The following EIF2AK2 variants were observed in gnomAD, a reference collection of about 807,000 sequenced individuals.
EIF2AK2 encodes the protein interferon-induced, double-stranded RNA-activated protein kinase.
A neutral mutation model predicts 70.5 loss-of-function variants in EIF2AK2; 40 were observed. The ratio of observed to expected loss-of-function variants is 0.57; its 90% CI spans 0.44 to 0.74. The LOEUF is 0.74. EIF2AK2 is among the 30% of genes least tolerant of loss of function. EIF2AK2 has a pLI of 0.00. For synonymous variants in EIF2AK2, 198 were observed against 220.9 expected (o/e 0.90, Z 0.92); for missense variants, 555 against 644.3 (o/e 0.86, Z 1.50).
chr2:37,119,935 T>C, intron 13 of EIF2AK2, 24 bp downstream of exon 13: 1 of 1,250,180 alleles, frequency 8.0e-7, no homozygotes, highest in Non-Finnish European at 1.0e-6. Flanking sequence ...ATATATCAAT[T>C]AATAAAGTAC....
chr2:37,143,874 G>A (rs892031529), intron 4 of EIF2AK2, among the ~76,000 whole-genome samples: 3 of 151,928 alleles, frequency 2.0e-5, no homozygotes, highest in African/African-American at 7.3e-5. Context: ...GACAGAGTAC[G>A]ACCCTGTCTC....
At chr2:37,128,110 T>C (rs761572584) in intron 10 of EIF2AK2, among the ~76,000 whole-genome samples, 16 of 152,194 alleles carry the variant, frequency 1.1e-4, no homozygotes, top group Non-Finnish European at 2.1e-4. Context: ...GACCATTTTA[T>C]TTGTTCCTAC....
At chr2:37,125,082 G>T (rs962845665) in intron 11 of EIF2AK2, among the ~76,000 whole-genome samples, 1 of 151,936 alleles carries the variant, frequency 6.6e-6, no homozygotes, top group East Asian at 1.9e-4. Flanking sequence ...GCATGATCTG[G>T]GCTCACCACA....
rs1386785110 is a variant in EIF2AK2, at chr2:37,143,921, C to T, written c.241-2220G>A. ...ACAACAACAACAAAAAAACTATTTACATAGCATTTACATTGTATTAGAGAT... is the reference window on the plus strand; with the variant it reads ...ACAACAACAACAAAAAAACTATTTATATAGCATTTACATTGTATTAGAGAT... On this transcript the variant is annotated intron_variant, in intron 4 of 16. Transcript: ENST00000233057. 2.0e-5 allele frequency among the ~76,000 whole-genome samples: 3 copies of T among 152,210 alleles called. No individual in the cohort carries two copies. The East Asian group carries it at 5.8e-4, about 29-fold the overall frequency.
At chr2:37,128,093 C>G (rs1364161998) in intron 10 of EIF2AK2, among the ~76,000 whole-genome samples, 1 of 152,148 alleles carries the variant, frequency 6.6e-6, no homozygotes, top group Non-Finnish European at 1.5e-5. Flanking sequence ...AACTCCATGA[C>G]AACAGGGACC....
intron 1 of EIF2AK2, among the ~76,000 whole-genome samples, chr2:37,152,545 T>G (rs1028666400): frequency 6.6e-6 from 1 of 152,164 alleles, no homozygotes; most frequent in South Asian, 2.1e-4. Context: ...CCTCCCAAAG[T>G]GCTGGGATTA....
intron 11 of EIF2AK2, 137 bp from the exon 12 acceptor site, chr2:37,122,801 G>A: frequency 9.0e-7 from 1 of 1,113,492 alleles, no homozygotes; most frequent in Non-Finnish European, 1.3e-6. Context: ...TTTTAGAATG[G>A]AAGCCAGGAC....
chr2:37,152,858 G>T (rs1399700445), intron 1 of EIF2AK2, among the ~76,000 whole-genome samples: 1 of 152,162 alleles, frequency 6.6e-6, no homozygotes, highest in African/African-American at 2.4e-5. Context: ...CTCCCAAGCT[G>T]GTTTGAAGTT....
chr2:37,144,706 G>C (rs528122146), intron 4 of EIF2AK2, among the ~76,000 whole-genome samples: 23 of 151,066 alleles, frequency 1.5e-4, no homozygotes, highest in African/African-American at 5.6e-4. Flanking sequence ...CTAGCCTCCT[G>C]AGTAGCTGGA....
At chr2:37,112,692 C>G (rs1025530259) in intron 14 of EIF2AK2, among the ~76,000 whole-genome samples, 2 of 151,966 alleles carry the variant, frequency 1.3e-5, no homozygotes, top group Admixed American at 1.3e-4. Context: ...AGAACAAAGT[C>G]CAGAAACACA....
In EIF2AK2 at chr2:37,114,871, A is replaced by G. The variant is rs1434633538; in HGVS notation, c.1249-12T>C. 2.6e-6 allele frequency: 4 copies of G among 1,532,574 alleles called. No homozygotes were observed. Among genetic ancestry groups the G allele is most frequent in the Non-Finnish European group, 2.6e-6 (3 of 1,137,986 alleles). The allele number at this position is 1,532,574 out of a possible 1,614,324, so 94.9% of individuals were successfully genotyped here. A position where few individuals can be genotyped will look rare whatever the true frequency, so the allele number is the denominator to read the frequency against. ...AATATATTACTTGGCTATGAAAAAA[A>G]AAAATTTAACTTACATGTACCAACT... On this transcript the variant is annotated splice_polypyrimidine_tract_variant and intron_variant, in intron 13 of 16. Transcript: ENST00000233057.
chr2:37,121,344 T>C (rs1674543865), intron 12 of EIF2AK2, among the ~76,000 whole-genome samples: 1 of 149,248 alleles, frequency 6.7e-6, no homozygotes, highest in African/African-American at 2.5e-5. Context: ...GCAATCACCA[T>C]TGCTAACAGA....
intron 1 of EIF2AK2, among the ~76,000 whole-genome samples, chr2:37,149,790 T>A (rs1675680276): frequency 6.6e-6 from 1 of 152,198 alleles, no homozygotes; most frequent in Admixed American, 6.5e-5. Context: ...TGACCAGTCG[T>A]GTTACTTGTT....
intron 12 of EIF2AK2, among the ~76,000 whole-genome samples, chr2:37,121,658 T>C (rs1229673486): frequency 6.6e-6 from 1 of 151,964 alleles, no homozygotes; most frequent in Non-Finnish European, 1.5e-5. Context: ...TTTTATTTTT[T>C]TTCTGAATTA....
At chr2:37,125,262 C>T (rs1359562397) in intron 11 of EIF2AK2, among the ~76,000 whole-genome samples, 3 of 152,066 alleles carry the variant, frequency 2.0e-5, no homozygotes, top group Non-Finnish European at 4.4e-5. Context: ...CCGCCTGCCA[C>T]GGCCTCCCAA....
chr2:37,148,509 G>T, intron 2 of EIF2AK2: 1 of 623,744 alleles, frequency 1.6e-6, no homozygotes, highest in South Asian at 1.7e-5. Context: ...ATAAAACAAG[G>T]AAAATATGCT....
chr2:37,142,323 G>T (rs921327437), intron 4 of EIF2AK2, among the ~76,000 whole-genome samples: 1 of 152,004 alleles, frequency 6.6e-6, no homozygotes, highest in African/African-American at 2.4e-5. Flanking sequence ...TGTAGAGACA[G>T]CGTTTGGCCA....
chr2:37,140,284 G>T (rs1252706225), intron 5 of EIF2AK2, among the ~76,000 whole-genome samples: 1 of 152,142 alleles, frequency 6.6e-6, no homozygotes, highest in Non-Finnish European at 1.5e-5. Flanking sequence ...CCACAGTGCA[G>T]ATTCCCTATA....
intron 9 of EIF2AK2, among the ~76,000 whole-genome samples, chr2:37,136,194 G>C (rs1675121382): frequency 6.6e-6 from 1 of 152,204 alleles, no homozygotes; most frequent in African/African-American, 2.4e-5. Flanking sequence ...CCAAACTGCT[G>C]TCTTCTCTCT....
Sources: gnomAD v4.1 joint callset for allele counts (sites outside exome capture counted in the v4.1 genomes callset) on GRCh38, gnomAD v4.1.1 for gene constraint, MANE v1.5 for transcripts, NCBI Gene and HGNC (gene_info 2026-07-23, HGNC 2026-07-21) for gene names.